Variants in ERBB4 observed in about 807,000 individuals in gnomAD.
The protein encoded by ERBB4 is receptor tyrosine-protein kinase erbB-4.
Under a neutral mutation model 158.0 loss-of-function variants are expected in ERBB4, and 42 were observed. The observed-to-expected ratio is 0.27, with a 90% confidence interval of 0.21 to 0.34. The LOEUF is 0.34. Among genes scored for constraint, ERBB4 ranks in the 10% least tolerant of loss-of-function variants. The pLI is 1.00. For missense variants in ERBB4, 1,333 were observed against 1,624.1 expected (o/e 0.82, Z 3.08); for synonymous variants, 583 against 558.7 (o/e 1.04, Z -0.61).
intron 1 of ERBB4, among the ~76,000 whole-genome samples, chr2:212,488,079 T>C (rs1181301696): frequency 6.6e-6 from 1 of 152,156 alleles, no homozygotes; most frequent in Non-Finnish European, 1.5e-5. Context: ...CCCTACCATT[T>C]CACCTGAATT....
chr2:212,301,325 G>A (rs2086614120), intron 1 of ERBB4, among the ~76,000 whole-genome samples: 1 of 151,164 alleles, frequency 6.6e-6, no homozygotes, highest in South Asian at 2.1e-4. Context: ...AGCATCACAT[G>A]TATTCATTAG....
At chr2:212,472,092 G>A (rs13015808) in intron 1 of ERBB4, among the ~76,000 whole-genome samples, 27,090 of 151,618 alleles carry the variant, frequency 0.18, 3,124 homozygotes, top group Non-Finnish European at 0.24. Context: ...AATCCAACAC[G>A]TCATCAATCA....
At chr2:211,395,128 C>T (rs1325536433) in intron 25 of ERBB4, among the ~76,000 whole-genome samples, 2 of 152,024 alleles carry the variant, frequency 1.3e-5, no homozygotes, top group African/African-American at 4.8e-5. Context: ...TCTCATAAAT[C>T]TTTTCAAAGT....
At chr2:212,063,446 A>G (rs2077841617) in intron 2 of ERBB4, among the ~76,000 whole-genome samples, 1 of 152,120 alleles carries the variant, frequency 6.6e-6, no homozygotes, top group African/African-American at 2.4e-5. Context: ...AGTCATTTAA[A>G]GAAAAGTCAT....
At chr2:211,733,209 T>C (rs753408855) in intron 5 of ERBB4, among the ~76,000 whole-genome samples, 5 of 152,336 alleles carry the variant, frequency 3.3e-5, no homozygotes, top group South Asian at 4.2e-4. Context: ...CAATGATTCA[T>C]TGAGGGACCT....
intron 1 of ERBB4, among the ~76,000 whole-genome samples, chr2:212,436,435 G>A (rs749870652): frequency 3.3e-5 from 5 of 151,982 alleles, no homozygotes; most frequent in Non-Finnish European, 5.9e-5. Flanking sequence ...GACTTAGCCA[G>A]CTTACACTGG....
chr2:211,806,081 G>A (rs1403212103), intron 3 of ERBB4, among the ~76,000 whole-genome samples: 4 of 151,984 alleles, frequency 2.6e-5, no homozygotes, highest in Non-Finnish European at 4.4e-5. Context: ...TTTCCCTTAA[G>A]TTTAATCGAG....
chr2:212,066,776 T>A (rs2077960726), intron 2 of ERBB4, among the ~76,000 whole-genome samples: 1 of 151,888 alleles, frequency 6.6e-6, no homozygotes, highest in South Asian at 2.1e-4. Context: ...TTGCCAGCAA[T>A]TACAATCCTA....
At chr2:211,636,711 A>G (rs1040352170) in intron 16 of ERBB4, among the ~76,000 whole-genome samples, 1 of 151,958 alleles carries the variant, frequency 6.6e-6, no homozygotes, top group East Asian at 1.9e-4. Context: ...GTATTTATCT[A>G]TATCTCTATA....
At chr2:211,905,764 A>ATATAT (rs2079376223) in intron 3 of ERBB4, among the ~76,000 whole-genome samples, 1 of 134,520 alleles carries the variant, frequency 7.4e-6, no homozygotes, top group Non-Finnish European at 1.5e-5. Flanking sequence ...ATATATATAT[A>ATATAT]CTATTATGTA....
intron 25 of ERBB4, among the ~76,000 whole-genome samples, chr2:211,401,347 C>CCA (rs2063038349): frequency 2.0e-5 from 3 of 151,852 alleles, no homozygotes; most frequent in Admixed American, 2.0e-4. Context: ...ATTAGAAATT[C>CCA]ACATTTTTTA....
chr2:212,226,703 A>G (rs1449398106), intron 1 of ERBB4, among the ~76,000 whole-genome samples: 2 of 152,136 alleles, frequency 1.3e-5, no homozygotes, highest in Non-Finnish European at 2.9e-5. Flanking sequence ...TAGAACATAA[A>G]GTTGCTTTTT....
rs1225307925 is a variant in ERBB4, at chr2:211,657,185, A to G, written c.1946+569T>C. 3.3e-5 allele frequency among the ~76,000 whole-genome samples: 5 copies of G among 151,600 alleles called. No homozygotes were observed. The East Asian group carries it at 9.6e-4, about 29-fold the overall frequency. On this transcript the variant is annotated intron_variant, in intron 16 of 27. Coordinates refer to ENST00000342788, the MANE Select transcript of ERBB4 (RefSeq NM_005235.3). Reference sequence around the variant, plus strand: ...AATATTCTATTAAAGGTATATATTAATAACTCAAAATCCTGTTTAGACTAC... The same window carrying G: ...AATATTCTATTAAAGGTATATATTAGTAACTCAAAATCCTGTTTAGACTAC...
At chr2:211,836,532 T>G (rs115787865) in intron 3 of ERBB4, among the ~76,000 whole-genome samples, 6,662 of 152,180 alleles carry the variant, frequency 0.044, 249 homozygotes, top group Non-Finnish European at 0.066. Flanking sequence ...CTCTGCTTAG[T>G]ACATACCAAA....
At chr2:211,550,993 T>C (rs1482364682) in intron 20 of ERBB4, among the ~76,000 whole-genome samples, 4 of 151,714 alleles carry the variant, frequency 2.6e-5, no homozygotes, top group Non-Finnish European at 5.9e-5. Flanking sequence ...CAGGCTGGAG[T>C]GCAGTGGTGC....
At chr2:212,273,937 A>T (rs1395332121) in intron 1 of ERBB4, among the ~76,000 whole-genome samples, 1 of 151,726 alleles carries the variant, frequency 6.6e-6, no homozygotes, top group African/African-American at 2.4e-5. Context: ...TGCACTGGAA[A>T]ATCTGAGTAT....
At chr2:212,027,162 A>G (rs1193556985) in intron 2 of ERBB4, among the ~76,000 whole-genome samples, 1 of 152,020 alleles carries the variant, frequency 6.6e-6, no homozygotes, top group African/African-American at 2.4e-5. Flanking sequence ...GCCTCAGTTT[A>G]TTCATGTAAA....
chr2:212,438,369 T>C (rs1273413207), intron 1 of ERBB4, among the ~76,000 whole-genome samples: 8 of 152,142 alleles, frequency 5.3e-5, no homozygotes, highest in African/African-American at 1.2e-4. Flanking sequence ...AGATGTCTTA[T>C]GAAAAGCTAC....
intron 2 of ERBB4, among the ~76,000 whole-genome samples, chr2:212,056,048 G>A (rs577853773): frequency 8.7e-4 from 133 of 152,228 alleles, no homozygotes; most frequent in Middle Eastern, 6.8e-3. Context: ...TAGACAAATG[G>A]GTAACTAGAA....
Sources: allele counts gnomAD v4.1 joint callset (sites outside exome capture counted in the v4.1 genomes callset), GRCh38; gene constraint gnomAD v4.1.1; transcripts MANE v1.5; gene names NCBI Gene and HGNC (gene_info 2026-07-23, HGNC 2026-07-21).